Variants in MEF2A observed in about 807,000 individuals in gnomAD.
MEF2A encodes myocyte enhancer factor 2A.
MEF2A carries 28 observed loss-of-function variants against 55.8 expected under a neutral mutation model. The observed-to-expected ratio is 0.50, with a 90% confidence interval of 0.37 to 0.69. The LOEUF (loss-of-function observed/expected upper bound fraction) is 0.69. Among genes scored for constraint, MEF2A ranks in the 30% least tolerant of loss-of-function variants. The pLI is 0.00. For synonymous variants in MEF2A, 239 were observed against 227.1 expected (o/e 1.05, Z -0.47); for missense variants, 528 against 626.2 (o/e 0.84, Z 1.67).
At chr15:99,602,026 G>C (rs116410410) in intron 2 of MEF2A, among the ~76,000 whole-genome samples, 5,213 of 152,234 alleles carry the variant, frequency 0.034, 317 homozygotes, top group African/African-American at 0.12. Flanking sequence ...CGGTGAATCT[G>C]CATGGGTCTA....
intron 4 of MEF2A, among the ~76,000 whole-genome samples, chr15:99,670,494 C>T (rs961308136): frequency 1.3e-5 from 2 of 152,098 alleles, no homozygotes; most frequent in Non-Finnish European, 2.9e-5. Context: ...CTTGTAGTCC[C>T]AGCTACTCGG....
At position 99,712,536 on chromosome 15, in the gene MEF2A, A is replaced by C. The variant is rs199811207; in HGVS notation, c.1283A>C (p.Gln428Pro). 1.3e-4 allele frequency: 173 copies of C among 1,380,068 alleles called. No homozygotes were observed. The African/African-American group carries it at 1.4e-3, about 11-fold the overall frequency. The allele number at this position is 1,380,068 out of a possible 1,614,324, so 85.5% of individuals were successfully genotyped here. A position where few individuals can be genotyped will look rare whatever the true frequency, so the allele number is the denominator to read the frequency against. Residue 428 changes from glutamine (Q) to proline (P), a missense_variant, in exon 12 of 12, where the codon CAG becomes CCG. Physicochemically the swap from Gln to Pro is moderately conservative, Grantham distance 76. Transcript: ENST00000557942. This position sits in a 1 kb window ranked among gnomAD's most constrained non-coding sequence, Gnocchi z 4.1. ...CAGCAGCAGCAGCAGCAGCAGCAGCAGCCGCCGCCACCACCGCAGCCCCAG... is the reference window on the plus strand; with the variant it reads ...CAGCAGCAGCAGCAGCAGCAGCAGCCGCCGCCGCCACCACCGCAGCCCCAG... ...QQQQQQQQQQ[Q>P]PPPPPQPQPQ... is the part of the protein sequence containing the mutation.
chr15:99,671,803 A>C, intron 5 of MEF2A: 1 of 954,380 alleles, frequency 1.0e-6, no homozygotes, highest in South Asian at 2.2e-5. Context: ...TAAAACTTCA[A>C]AATAAAATTG....
intron 8 of MEF2A, among the ~76,000 whole-genome samples, chr15:99,700,139 T>C (rs796290910): frequency 0.02 from 2,564 of 128,824 alleles, 50 homozygotes; most frequent in Admixed American, 0.042. Flanking sequence ...ATTACAGGCA[T>C]GAGCCACTGT....
At chr15:99,619,141 C>T (rs1217248462) in intron 2 of MEF2A, among the ~76,000 whole-genome samples, 1 of 152,130 alleles carries the variant, frequency 6.6e-6, no homozygotes, top group African/African-American at 2.4e-5. Flanking sequence ...GGTTTATAGT[C>T]AACGCTCCTT....
chr15:99,611,686 T>A (rs981110553), intron 2 of MEF2A, among the ~76,000 whole-genome samples: 1 of 152,224 alleles, frequency 6.6e-6, no homozygotes, highest in African/African-American at 2.4e-5. Context: ...TCTGGTAGAA[T>A]TGAAAGTATA....
In MEF2A at chr15:99,650,500, T is replaced by C. The variant is rs561968978; in HGVS notation, c.258+4736T>C. Among the ~76,000 whole-genome samples, 36 of 152,352 alleles carry C rather than the reference T, an allele frequency of 2.4e-4. No individual in the cohort carries two copies. The South Asian group carries it at 6.6e-3, about 28-fold the overall frequency. ...TAAAGACTTCATTTGAATTATCTTA[T>C]TGAATCCTTACTGTTGCCCTTATTT... On this transcript the variant is annotated intron_variant, in intron 4 of 11. Transcript: ENST00000557942.
intron 7 of MEF2A, among the ~76,000 whole-genome samples, chr15:99,678,939 G>A (rs1229055305): frequency 6.6e-6 from 1 of 152,128 alleles, no homozygotes; most frequent in African/African-American, 2.4e-5. Flanking sequence ...TTGAAAATGT[G>A]CATGAGAACA....
At chr15:99,675,545 GA>G in intron 7 of MEF2A, 87 bp downstream of exon 7, 1 of 1,209,434 alleles carries the variant, frequency 8.3e-7, no homozygotes, top group East Asian at 2.4e-5. Flanking sequence ...AGCTTTCTGG[GA>G]AATTTCCTTC....
chr15:99,648,696 A>G (rs1353758334), intron 4 of MEF2A, among the ~76,000 whole-genome samples: 2 of 152,056 alleles, frequency 1.3e-5, no homozygotes, highest in Middle Eastern at 3.2e-3. Flanking sequence ...CTTTCCCTAT[A>G]TTACTGAAAT....
intron 8 of MEF2A, among the ~76,000 whole-genome samples, chr15:99,699,656 C>T (rs1229385380): frequency 6.6e-6 from 1 of 152,172 alleles, no homozygotes; most frequent in Non-Finnish European, 1.5e-5. Flanking sequence ...AAGCAAGAAC[C>T]TGGTCTAAGT....
chr15:99,576,219 C>T (rs1215820316), intron 1 of MEF2A, among the ~76,000 whole-genome samples: 1 of 152,184 alleles, frequency 6.6e-6, no homozygotes, highest in Non-Finnish European at 1.5e-5. Flanking sequence ...ATTCCTCGGG[C>T]AGTAGTTTGT....
intron 1 of MEF2A, among the ~76,000 whole-genome samples, chr15:99,597,567 C>G (rs1971638446): frequency 6.6e-6 from 1 of 152,092 alleles, no homozygotes; most frequent in Non-Finnish European, 1.5e-5. Context: ...TTGTCATATT[C>G]TATTACCTTG....
chr15:99,593,713 T>C (rs530770490), intron 1 of MEF2A, among the ~76,000 whole-genome samples: 1 of 152,322 alleles, frequency 6.6e-6, no homozygotes, highest in South Asian at 2.1e-4. Context: ...GTAGTTCAAA[T>C]AGTTTGAACA....
intron 8 of MEF2A, among the ~76,000 whole-genome samples, chr15:99,693,944 A>G (rs1176332375): frequency 6.6e-6 from 1 of 152,108 alleles, no homozygotes; most frequent in Admixed American, 6.5e-5. Flanking sequence ...CCCACACATC[A>G]TTTTTTCTAT....
intron 2 of MEF2A, among the ~76,000 whole-genome samples, chr15:99,599,273 T>C (rs1972217927): frequency 6.6e-6 from 1 of 152,108 alleles, no homozygotes; most frequent in Admixed American, 6.5e-5. Context: ...TTTTGAAAAA[T>C]GTTAGGGGAT....
chr15:99,637,742 G>A (rs2570936), intron 3 of MEF2A, among the ~76,000 whole-genome samples: 145,096 of 152,170 alleles, frequency 0.95, 69,559 homozygotes, highest in East Asian at 1. Flanking sequence ...TCCCGGGTTC[G>A]TGCCATTCTT....
chr15:99,617,804 A>T (rs8024784), intron 2 of MEF2A, among the ~76,000 whole-genome samples: 68,168 of 151,968 alleles, frequency 0.45, 17,263 homozygotes, highest in Middle Eastern at 0.61. Context: ...AACTGTGTTT[A>T]TGCCTGTGGG....
intron 7 of MEF2A, 115 bp downstream of exon 7, chr15:99,675,573 T>C (rs2051823461): frequency 1.2e-6 from 1 of 820,958 alleles, no homozygotes; most frequent in Admixed American, 2.4e-5. Context: ...GTACTTTCAC[T>C]AATACATCAA....
Sources: allele counts gnomAD v4.1 joint callset (sites outside exome capture counted in the v4.1 genomes callset), GRCh38; gene constraint gnomAD v4.1.1; non-coding constraint Gnocchi (gnomAD v3.1); transcripts MANE v1.5; gene names NCBI Gene and HGNC (gene_info 2026-07-23, HGNC 2026-07-21).